The following CDH12 variants were observed in gnomAD, a reference collection of about 807,000 sequenced individuals.
The protein encoded by CDH12 is cadherin-12.
CDH12 carries 41 observed loss-of-function variants against 74.1 expected under a neutral mutation model. The observed-to-expected ratio is 0.55, with a 90% confidence interval of 0.43 to 0.72. The LOEUF (loss-of-function observed/expected upper bound fraction) is 0.72, where lower values mean the gene tolerates loss of function less well. Ranked by LOEUF, CDH12 falls within the 30% of genes least tolerant of loss-of-function variation. CDH12 has a pLI of 0.00. For synonymous variants in CDH12, 399 were observed against 355.0 expected, an observed-to-expected ratio of 1.12 and a Z score of -1.39; for missense variants, 945 against 977.2, an observed-to-expected ratio of 0.97 and a Z score of 0.44.
chr5:22,557,950 G>A (rs1738873682), intron 1 of CDH12, among the ~76,000 whole-genome samples: 1 of 152,042 alleles, frequency 6.6e-6, no homozygotes, highest in Non-Finnish European at 1.5e-5. Context: ...GTCCAAAAAA[G>A]ATAATAATGC....
chr5:21,828,848 T>C (rs1748832417), intron 8 of CDH12, among the ~76,000 whole-genome samples: 1 of 152,064 alleles, frequency 6.6e-6, no homozygotes, highest in Non-Finnish European at 1.5e-5. Context: ...TTTTTTCCTT[T>C]TGTCTTTGCA....
chr5:22,459,791 C>T (rs558010471), intron 2 of CDH12, among the ~76,000 whole-genome samples: 3 of 152,080 alleles, frequency 2.0e-5, no homozygotes, highest in East Asian at 3.9e-4. Context: ...ACGGTGAAAC[C>T]CCGTCTCTAT....
chr5:22,736,324 T>A (rs1017563517), intron 1 of CDH12, among the ~76,000 whole-genome samples: 14 of 151,952 alleles, frequency 9.2e-5, no homozygotes, highest in Non-Finnish European at 1.6e-4. Context: ...TGTGTATATA[T>A]GTATTTTTTT....
rs144570376 is a variant in CDH12 at position 22,064,195 on chromosome 5, T to C, written c.231+14251A>G. Among the ~76,000 whole-genome samples, 493 of 152,236 alleles carry C rather than the reference T, an allele frequency of 3.2e-3. 1 individual carries two copies. Among genetic ancestry groups the C allele is most frequent in the African/African-American group, 0.011 (457 of 41,556 alleles). ...GTTCATGGTACGTGAAACACACATATCTGGAAGATTGACTTTTTGTACCTG... is the reference window on the plus strand; with the variant it reads ...GTTCATGGTACGTGAAACACACATACCTGGAAGATTGACTTTTTGTACCTG... On this transcript the variant is annotated intron_variant, in intron 5 of 14. Coordinates refer to ENST00000382254, the MANE Select transcript of CDH12 (RefSeq NM_004061.5).
At chr5:22,590,654 A>G (rs1740653137) in intron 1 of CDH12, among the ~76,000 whole-genome samples, 1 of 152,234 alleles carries the variant, frequency 6.6e-6, no homozygotes, top group Admixed American at 6.5e-5. Flanking sequence ...TTATGTGACA[A>G]GAATGCAAAT....
intron 5 of CDH12, among the ~76,000 whole-genome samples, chr5:22,063,049 A>C (rs997518745): frequency 6.6e-6 from 1 of 152,292 alleles, no homozygotes; most frequent in Non-Finnish European, 1.5e-5. Context: ...ATATGTTAGT[A>C]TATTTTGGTG....
intron 8 of CDH12, among the ~76,000 whole-genome samples, chr5:21,826,222 T>C (rs1748661688): frequency 6.6e-6 from 1 of 152,198 alleles, no homozygotes; most frequent in African/African-American, 2.4e-5. Flanking sequence ...AATATCATCT[T>C]ATTCCAAAAC....
chr5:22,027,514 G>C (rs148911536), intron 5 of CDH12, among the ~76,000 whole-genome samples: 1,772 of 152,278 alleles, frequency 0.012, 27 homozygotes, highest in African/African-American at 0.04. Flanking sequence ...TGTATTCAGA[G>C]ATTCAACTTC....
At chr5:21,849,009 C>T (rs1750327005) in intron 7 of CDH12, among the ~76,000 whole-genome samples, 1 of 151,880 alleles carries the variant, frequency 6.6e-6, no homozygotes, top group East Asian at 1.9e-4. Flanking sequence ...AATCCAACAC[C>T]ACCAGTTCAT....
chr5:22,108,717 T>G (rs2150257997), intron 4 of CDH12, among the ~76,000 whole-genome samples: 1 of 152,302 alleles, frequency 6.6e-6, no homozygotes, highest in South Asian at 2.1e-4. Flanking sequence ...AGAGTGATTT[T>G]ATTGCTGTGG....
intron 1 of CDH12, among the ~76,000 whole-genome samples, chr5:22,547,744 A>G (rs189107593): frequency 4.8e-4 from 73 of 152,304 alleles, no homozygotes; most frequent in African/African-American, 1.6e-3. Flanking sequence ...ATTATAGCTT[A>G]TTTAGTGTTT....
At chr5:22,782,582 T>C (rs1747437140) in intron 1 of CDH12, among the ~76,000 whole-genome samples, 1 of 152,138 alleles carries the variant, frequency 6.6e-6, no homozygotes, top group South Asian at 2.1e-4. Context: ...TTAGGTAATA[T>C]CTTTACAGAA....
chr5:22,728,442 C>T (rs1339570034), intron 1 of CDH12, among the ~76,000 whole-genome samples: 1 of 151,794 alleles, frequency 6.6e-6, no homozygotes, highest in East Asian at 1.9e-4. Flanking sequence ...GTTTTATCTC[C>T]TCAATTGCTT....
Position 22,078,705 on chromosome 5 carries a change from T to C in CDH12, c.-29A>G. ...CAAAGGCTTTCCTACAGCAGAGTAA[T>C]AAAAACTCCAACACTTAACGTAGAA... On this transcript the variant is annotated 5_prime_UTR_variant, in exon 5 of 15. Coordinates refer to ENST00000382254, the MANE Select transcript of CDH12 (RefSeq NM_004061.5). 1 of 1,608,510 alleles carries C rather than the reference T, an allele frequency of 6.2e-7. No homozygotes were observed. Among genetic ancestry groups the C allele is most frequent in the Admixed American group, 1.7e-5 (1 of 59,378 alleles).
chr5:22,456,095 G>A (rs891033513), intron 2 of CDH12, among the ~76,000 whole-genome samples: 21 of 142,604 alleles, frequency 1.5e-4, no homozygotes, highest in African/African-American at 5.4e-4. Flanking sequence ...ATTCATTTCT[G>A]CCATGTGGAT....
chr5:22,192,503 T>C (rs1314962659), intron 4 of CDH12, among the ~76,000 whole-genome samples: 2 of 151,940 alleles, frequency 1.3e-5, no homozygotes, highest in South Asian at 4.2e-4. Flanking sequence ...TGTAGAAGAA[T>C]AAGAAGGAGA....
intron 1 of CDH12, among the ~76,000 whole-genome samples, chr5:22,726,183 T>A (rs1290899869): frequency 6.6e-6 from 1 of 151,840 alleles, no homozygotes; most frequent in Non-Finnish European, 1.5e-5. Flanking sequence ...CGAAATGCTC[T>A]GTTCTCCATG....
chr5:22,453,586 A>G (rs564595443), intron 2 of CDH12, among the ~76,000 whole-genome samples: 112 of 152,224 alleles, frequency 7.4e-4, no homozygotes, highest in Middle Eastern at 3.4e-3. Flanking sequence ...AGGGGTAGAG[A>G]GGTAGGCTTA....
rs182848128 is a variant in CDH12 at position 22,532,309 on chromosome 5, C to T, written c.-522-26945G>A. On this transcript the variant is annotated intron_variant, in intron 1 of 14. Coordinates refer to ENST00000382254, the MANE Select transcript of CDH12 (RefSeq NM_004061.5). ...GTTAGAGGAGCTATGGTTTGATTTG[C>T]TTTGGCATGGGCAGTTCTAACAGAT... 5.3e-3 allele frequency among the ~76,000 whole-genome samples: 638 copies of T among 119,270 alleles called. 12 individuals are homozygous for T. The highest frequency in any genetic ancestry group is 0.019 in the African/African-American group (600 of 30,886). The allele number at this position is 119,270 out of a possible 152,430, so 78.2% of individuals were successfully genotyped here.
Sources: allele counts gnomAD v4.1 joint callset (sites outside exome capture counted in the v4.1 genomes callset), GRCh38; gene constraint gnomAD v4.1.1; transcripts MANE v1.5; gene names NCBI Gene and HGNC (gene_info 2026-07-23, HGNC 2026-07-21).